The following N4BP2 variants were observed in gnomAD, a reference collection of about 807,000 sequenced individuals.
The protein encoded by N4BP2 is NEDD4 binding protein 2, also known as NEDD4-binding protein 2.
N4BP2 carries 91 observed loss-of-function variants against 152.8 expected under a neutral mutation model. That is an observed-to-expected ratio of 0.60 (90% CI 0.50 to 0.71). N4BP2 has a LOEUF of 0.71. Among genes scored for constraint, N4BP2 ranks in the 30% least tolerant of loss-of-function variants. The pLI, the probability that N4BP2 is intolerant of heterozygous loss-of-function variation, is 0.00. For synonymous variants in N4BP2, 646 were observed against 705.3 expected (o/e 0.92, Z 1.33); for missense variants, 1,923 against 2,059.1 (o/e 0.93, Z 1.28).
chr4:40,173,874 T>G, the N4BP2 span, among the ~76,000 whole-genome samples: 3 of 152,236 alleles, frequency 2.0e-5, no homozygotes, highest in South Asian at 6.2e-4. Flanking sequence ...CTTTTCTCAT[T>G]TCTTTTTTTC....
rs67269894 is a variant in N4BP2, at chr4:40,084,631, A to AT, written c.-115+11097dup. 3.4e-3 allele frequency among the ~76,000 whole-genome samples: 441 copies of AT among 128,664 alleles called. 4 individuals carry two copies. Among genetic ancestry groups the AT allele is most frequent in the South Asian group, 4.9e-3 (20 of 4,114 alleles). The allele number at this position is 128,664 out of a possible 152,430, so 84.4% of individuals were successfully genotyped here. ...TTGTGTGTGTATATATATATATATA[A>AT]TTTTTTTTTTTTTTTTTGAGGCAGA... On this transcript the variant is annotated intron_variant, in intron 2 of 17. Coordinates refer to ENST00000261435, the MANE Select transcript of N4BP2 (RefSeq NM_018177.6).
At chr4:40,107,087 G>C in intron 5 of N4BP2, 63 bp downstream of exon 5, 1 of 1,545,718 alleles carries the variant, frequency 6.5e-7, no homozygotes, top group South Asian at 1.1e-5. Flanking sequence ...AATTCACTTA[G>C]TATTTGTTTG....
chr4:40,063,669 G>A (rs1560565680), intron 1 of N4BP2, among the ~76,000 whole-genome samples: 2 of 151,904 alleles, frequency 1.3e-5, no homozygotes, highest in Admixed American at 6.6e-5. Context: ...TTGAGACGGA[G>A]TTTTGCTCTT....
At chr4:40,108,140 G>A (rs1258616764) in intron 5 of N4BP2, among the ~76,000 whole-genome samples, 1 of 151,000 alleles carries the variant, frequency 6.6e-6, no homozygotes, top group East Asian at 2.0e-4. Flanking sequence ...ATTGGCCAGG[G>A]CCAGGCTTGT....
At chr4:40,063,789 G>A (rs567151811) in intron 1 of N4BP2, among the ~76,000 whole-genome samples, 35 of 152,020 alleles carry the variant, frequency 2.3e-4, no homozygotes, top group Admixed American at 1.6e-3. Flanking sequence ...GATTACAGGT[G>A]TGCATCACCA....
the N4BP2 span, among the ~76,000 whole-genome samples, chr4:40,181,718 C>A: frequency 6.6e-5 from 10 of 152,332 alleles, no homozygotes; most frequent in East Asian, 1.9e-3. Flanking sequence ...GAGGCTAAGG[C>A]AGGCAGATCA....
chr4:40,118,849 T>A (rs1002205122), intron 8 of N4BP2, among the ~76,000 whole-genome samples: 2 of 152,160 alleles, frequency 1.3e-5, no homozygotes, highest in South Asian at 4.1e-4. Context: ...CGAAGACACA[T>A]AAACAATTGA....
At chr4:40,094,176 CTA>C (rs1253533815) in intron 2 of N4BP2, among the ~76,000 whole-genome samples, 1 of 152,124 alleles carries the variant, frequency 6.6e-6, no homozygotes, top group Non-Finnish European at 1.5e-5. Flanking sequence ...TTACTGATTT[CTA>C]GTTTGATTCC....
chr4:40,075,254 G>A (rs1712616900), intron 2 of N4BP2, among the ~76,000 whole-genome samples: 1 of 152,064 alleles, frequency 6.6e-6, no homozygotes, highest in Non-Finnish European at 1.5e-5. Context: ...GACTAGTACT[G>A]CAATAAGTAG....
intron 1 of N4BP2, among the ~76,000 whole-genome samples, chr4:40,061,337 T>G (rs1733636955): frequency 6.7e-6 from 1 of 149,746 alleles, no homozygotes; most frequent in Non-Finnish European, 1.5e-5. Flanking sequence ...GTTCGGCTAA[T>G]TTTCATATTT....
Position 40,142,668 on chromosome 4 carries a change from T to C in N4BP2, c.4786-5T>C, listed in dbSNP as rs137867135. On this transcript the variant is annotated splice_polypyrimidine_tract_variant and splice_region_variant and intron_variant, in intron 14 of 17. Transcript: ENST00000261435. ...GTGTGTTACTTATTGTTTAATATCT[T>C]ATAGCCAAAGAAATTAAAAGAGACT... The C allele has an allele frequency of 4.6e-4, 738 of 1,599,908 alleles. 1 individual carries two copies. The African/African-American group carries it at 8.2e-3, about 18-fold the overall frequency.
At chr4:40,071,173 C>T (rs895262174) in intron 1 of N4BP2, among the ~76,000 whole-genome samples, 1 of 152,072 alleles carries the variant, frequency 6.6e-6, no homozygotes, top group African/African-American at 2.4e-5. Flanking sequence ...TCTGCCTCTC[C>T]TTCCCTACTC....
intron 1 of N4BP2, among the ~76,000 whole-genome samples, chr4:40,071,271 T>C (rs1443822616): frequency 2.6e-5 from 4 of 151,966 alleles, no homozygotes; most frequent in Non-Finnish European, 4.4e-5. Context: ...TGGTGTAGTA[T>C]TACTTCTTCC....
chr4:40,160,155 T>A (rs1024647869), downstream of N4BP2, among the ~76,000 whole-genome samples: 1 of 152,130 alleles, frequency 6.6e-6, no homozygotes, highest in Admixed American at 6.6e-5. Flanking sequence ...CTGTATATGA[T>A]CCTGTTCTAG....
At chr4:40,185,910 C>T in the N4BP2 span, among the ~76,000 whole-genome samples, 1 of 152,180 alleles carries the variant, frequency 6.6e-6, no homozygotes, top group African/African-American at 2.4e-5. Flanking sequence ...ATGTTTTCCT[C>T]TAATGATCCT....
intron 1 of N4BP2, among the ~76,000 whole-genome samples, chr4:40,068,808 C>T (rs867146790): frequency 2.0e-5 from 3 of 152,144 alleles, no homozygotes; most frequent in African/African-American, 7.2e-5. Flanking sequence ...GGATCCTTCT[C>T]ATAATTTTTA....
In N4BP2 at chr4:40,121,937, G is replaced by A; in HGVS notation, c.3826G>A (p.Asp1276Asn). The A allele has an allele frequency of 6.3e-7, 1 of 1,582,452 alleles. No individual in the cohort carries two copies. The highest frequency in any genetic ancestry group is 8.6e-7 in the Non-Finnish European group (1 of 1,168,464). Residue 1276 changes from aspartate to asparagine, a missense_variant, in exon 9 of 18, where the codon GAC (aspartate) becomes AAC (asparagine). Transcript: ENST00000261435. ...EKNLVVTETG[D>N]NIHSPSHFSD... ...AAACCTAGTAGTCACAGAGACTGGA[G>A]ACAACATACATTCTCCTTCACATTT...
At chr4:40,088,471 CA>C (rs1714191950) in intron 2 of N4BP2, among the ~76,000 whole-genome samples, 2 of 149,838 alleles carry the variant, frequency 1.3e-5, no homozygotes, top group South Asian at 4.2e-4. Flanking sequence ...TTATTTTAGT[CA>C]ATTTGATAGG....
chr4:40,177,190 A>C, the N4BP2 span, among the ~76,000 whole-genome samples: 14 of 152,202 alleles, frequency 9.2e-5, no homozygotes, highest in Non-Finnish European at 1.5e-5. Context: ...GAATTCACAC[A>C]GTATTTCATG....
Sources: allele counts gnomAD v4.1 joint callset (sites outside exome capture counted in the v4.1 genomes callset), GRCh38; gene constraint gnomAD v4.1.1; transcripts MANE v1.5; gene names NCBI Gene and HGNC (gene_info 2026-07-23, HGNC 2026-07-21).